The following IFITM10 variants were observed in gnomAD, a reference collection of about 807,000 sequenced individuals.
IFITM10 encodes interferon-induced transmembrane protein 10.
In IFITM10, 17 loss-of-function variants were observed where a neutral mutation model predicts 19.0. The observed-to-expected ratio is 0.90, with a 90% CI of 0.61 to 1.34. The LOEUF (loss-of-function observed/expected upper bound fraction) is 1.34, where lower values mean the gene tolerates loss of function less well. Among genes scored for constraint, IFITM10 ranks in the 40% most tolerant of loss-of-function variants. The pLI is 0.00. For synonymous variants in IFITM10, 148 were observed against 147.2 expected (o/e 1.01, Z -0.04); for missense variants, 306 against 319.8 (o/e 0.96, Z 0.33).
At chr11:1,747,212 G>A (rs1173468024) in intron 2 of IFITM10, among the ~76,000 whole-genome samples, 1 of 152,104 alleles carries the variant, frequency 6.6e-6, no homozygotes. Context: ...GTGAGGAGCT[G>A]GATAAGAAGG....
intron 2 of IFITM10, among the ~76,000 whole-genome samples, chr11:1,744,011 C>T (rs192351051): frequency 6.6e-6 from 1 of 152,312 alleles, no homozygotes; most frequent in African/African-American, 2.4e-5. Context: ...CTAGACTGCC[C>T]CACCTACGTG....
At position 1,747,859 on chromosome 11, in the gene IFITM10, G is replaced by A; in HGVS notation, c.345C>T (p.Ser115=). ...CAGGGGGCGCGCCGGCAGCCCGCAC[G>A]CTGTCGGTCTTGCTGCTCTTGGACT... ...PMESKSSKTD[S]VRAAGAPPAC... Residue 115 remains serine (S), a synonymous_variant, in exon 2 of 3, where the codon AGC becomes AGT. Coordinates refer to ENST00000340134, the MANE Select transcript of IFITM10 (RefSeq NM_001170820.4). 2 of 1,539,688 alleles carry A rather than the reference G, an allele frequency of 1.3e-6. No homozygotes were observed. Among genetic ancestry groups the A allele is most frequent in the Non-Finnish European group, 1.8e-6 (2 of 1,140,252 alleles).
At position 1,735,056 on chromosome 11, in the gene IFITM10, C is replaced by T. The variant is rs1314953233; in HGVS notation, c.*224G>A. The stretch of plus-strand genomic sequence containing the variant: ...GAAGCCCCCAGGCCCCAGACACAGG[C>T]AGGGTGGAGGCCAGGAGGCGGAGGG... On this transcript the variant is annotated 3_prime_UTR_variant, in exon 3 of 3. Coordinates refer to ENST00000340134, the MANE Select transcript of IFITM10 (RefSeq NM_001170820.4). 2 of 551,960 alleles carry T rather than the reference C, an allele frequency of 3.6e-6. No homozygotes were observed. Among genetic ancestry groups the T allele is most frequent in the Admixed American group, 3.3e-5 (1 of 30,706 alleles). The allele number at this position is 551,960 out of a possible 1,614,324, so 34.2% of individuals were successfully genotyped here.
chr11:1,741,837 T>C (rs1845573317), intron 2 of IFITM10, among the ~76,000 whole-genome samples: 1 of 152,086 alleles, frequency 6.6e-6, no homozygotes, highest in African/African-American at 2.4e-5. Flanking sequence ...GAGGTGGGGC[T>C]CTTGAGAGGA....
chr11:1,750,412 T>G lies in IFITM10; in HGVS notation c.31A>C (p.Ile11Leu). Residue 11 changes from isoleucine (I) to leucine (L), a missense_variant, in exon 1 of 3, where the codon ATC becomes CTC. Physicochemically the swap from Ile to Leu is conservative, Grantham distance 5. Coordinates refer to ENST00000340134, the MANE Select transcript of IFITM10 (RefSeq NM_001170820.4). ...TCCAAAGTCCCCCGGAAGCTGAGGA[T>G]GCATGGCGGCCCCCGTTTTCCCTCC... MREGKRGPPC[I>L]LSFRGTLERV... 5.8e-6 allele frequency: 9 copies of G among 1,550,376 alleles called. No homozygotes were observed. The highest frequency in any genetic ancestry group is 7.8e-6 in the Non-Finnish European group (9 of 1,146,948).
In IFITM10 at chr11:1,750,192, CCCA is replaced by C. The variant is rs980144640; in HGVS notation, c.84+164_84+166del. 3 of 740,264 alleles carry C rather than the reference CCCA, an allele frequency of 4.1e-6. No individual in the cohort carries two copies. In the African/African-American group the frequency reaches 5.7e-5, roughly 14 times the overall value. The allele number at this position is 740,264 out of a possible 1,614,324, so 45.9% of individuals were successfully genotyped here. ...TCCCAGCCTCAGCCGCCTCCGCTAC[CCCA>C]CCACATCCTCACTCTCACGGTATGC... On this transcript the variant is annotated intron_variant, in intron 1 of 2. Transcript: ENST00000340134.
intron 1 of IFITM10, among the ~76,000 whole-genome samples, chr11:1,749,506 A>G (rs1845694031): frequency 1.2e-5 from 1 of 83,480 alleles, no homozygotes; most frequent in Non-Finnish European, 2.3e-5. Flanking sequence ...CTGCCTCCCC[A>G]AGAGAGACCC....
chr11:1,739,105 A>G (rs1303832019), intron 2 of IFITM10, among the ~76,000 whole-genome samples: 1 of 150,606 alleles, frequency 6.6e-6, no homozygotes, highest in Non-Finnish European at 1.5e-5. Flanking sequence ...CGTGGTTTGA[A>G]TGAATGGACA....
intron 2 of IFITM10, among the ~76,000 whole-genome samples, chr11:1,738,118 G>C (rs1851105974): frequency 6.6e-6 from 1 of 152,152 alleles, no homozygotes; most frequent in Non-Finnish European, 1.5e-5. Flanking sequence ...GGGTGTATGG[G>C]ACAGAGAAAT....
At position 1,732,761 on chromosome 11, in the gene IFITM10, C is replaced by T. The variant is rs1851041729; in HGVS notation, c.*2519G>A. On this transcript the variant is annotated 3_prime_UTR_variant, in exon 3 of 3. Transcript: ENST00000340134. ...ACAAACATCCCAAGAGCTAGGGGTG[C>T]CTTTACTGGCTGGAAGGTGACCGTT... is the stretch of plus-strand genomic sequence containing the variant. 6.6e-6 allele frequency: 1 copy of T among 152,108 alleles called. No homozygotes were observed. The highest frequency in any genetic ancestry group is 1.9e-4 in the East Asian group (1 of 5,184). 9.4% of individuals were successfully genotyped at this position (152,108 alleles called of 1,614,324 possible). A position where few individuals can be genotyped will look rare whatever the true frequency, so the allele number is the denominator to read the frequency against.
In IFITM10 at chr11:1,735,277, GC is replaced by G; in HGVS notation, c.*2del. ...CTCCGCCAGCAGCCGTGCCTGGCGG[GC>G]CTTAGTAGTCGGTGAGGGGGTACCG... On this transcript the variant is annotated 3_prime_UTR_variant, in exon 3 of 3. Coordinates refer to ENST00000340134, the MANE Select transcript of IFITM10 (RefSeq NM_001170820.4). 2 of 1,551,638 alleles carry G rather than the reference GC, an allele frequency of 1.3e-6. No individual in the cohort carries two copies. The highest frequency in any genetic ancestry group is 2.4e-5 in the South Asian group (2 of 84,058).
intron 2 of IFITM10, among the ~76,000 whole-genome samples, chr11:1,737,291 A>T (rs372637836): frequency 7.9e-5 from 12 of 152,372 alleles, no homozygotes; most frequent in African/African-American, 2.4e-4. Flanking sequence ...ATCCAGCTAA[A>T]CTATCATATT....
intron 2 of IFITM10, among the ~76,000 whole-genome samples, chr11:1,740,299 C>CAAAA (rs58480346): frequency 0.011 from 466 of 40,916 alleles, 49 homozygotes; most frequent in African/African-American, 0.034. Flanking sequence ...GACTCCATCT[C>CAAAA]AAAAAAAAAA....
intron 2 of IFITM10, among the ~76,000 whole-genome samples, chr11:1,737,133 C>A (rs1284211557): frequency 2.0e-5 from 3 of 152,124 alleles, no homozygotes; most frequent in East Asian, 3.8e-4. Flanking sequence ...TTATTGAGGT[C>A]TTATTTGATG....
chr11:1,742,385 T>G (rs888778247), intron 2 of IFITM10, among the ~76,000 whole-genome samples: 8 of 151,532 alleles, frequency 5.3e-5, no homozygotes, highest in Non-Finnish European at 5.9e-5. Context: ...AAGAAGAACG[T>G]GAGAAATTTA....
intron 1 of IFITM10, 181 bp downstream of exon 1, chr11:1,750,178 G>C (rs2133653285): frequency 1.3e-5 from 8 of 598,472 alleles, no homozygotes; most frequent in Non-Finnish European, 1.7e-5. Flanking sequence ...CCCAGCCTCA[G>C]CCGCCTCCGC....
At chr11:1,745,902 TAC>T (rs930515528) in intron 2 of IFITM10, 1 of 139,818 alleles carries the variant, frequency 7.2e-6, no homozygotes, top group African/African-American at 2.7e-5. Context: ...CTCAGGTACA[TAC>T]AGACAGTACA....
intron 2 of IFITM10, among the ~76,000 whole-genome samples, chr11:1,738,542 G>A (rs778752905): frequency 7.9e-5 from 12 of 152,204 alleles, no homozygotes; most frequent in Non-Finnish European, 1.3e-4. Flanking sequence ...CTGGGTAAGC[G>A]GGTAAGTGAA....
chr11:1,747,408 A>G (rs928060934), intron 2 of IFITM10, among the ~76,000 whole-genome samples: 14 of 145,656 alleles, frequency 9.6e-5, no homozygotes, highest in Admixed American at 8.2e-4. Flanking sequence ...GAGCTGGCTG[A>G]GCAGAAAGCC....
Sources: gnomAD v4.1 joint callset for allele counts (sites outside exome capture counted in the v4.1 genomes callset) on GRCh38, gnomAD v4.1.1 for gene constraint, MANE v1.5 for transcripts, NCBI Gene and HGNC (gene_info 2026-07-23, HGNC 2026-07-21) for gene names.